The following MKNK2 variants were observed in gnomAD, a reference collection of about 807,000 sequenced individuals.
MKNK2 encodes the protein MAP kinase-interacting serine/threonine-protein kinase 2.
MKNK2 carries 54 observed loss-of-function variants against 55.0 expected under a neutral mutation model. The observed-to-expected ratio is 0.98, with a 90% CI of 0.79 to 1.23. MKNK2 has a LOEUF of 1.23. MKNK2 is among the 50% of genes most tolerant of loss of function. MKNK2 has a pLI of 0.00. For missense variants in MKNK2, 685 were observed against 632.1 expected, an observed-to-expected ratio of 1.08 and a Z score of -0.90; for synonymous variants, 323 against 256.0, an observed-to-expected ratio of 1.26 and a Z score of -2.50.
In MKNK2 at chr19:2,038,132, C is replaced by T. The variant is rs570905054; in HGVS notation, c.*1481G>A. On this transcript the variant is annotated 3_prime_UTR_variant, in exon 14 of 14. Transcript: ENST00000250896. The stretch of plus-strand genomic sequence containing the variant: ...CGGCCACCGGACTGTGACCATCATA[C>T]GAGATTCAGGAGGGGCAGCAGGGCC... The T allele has an allele frequency of 3.5e-4, 371 of 1,066,870 alleles. No homozygotes were observed. The highest frequency in any genetic ancestry group is 3.3e-4 in the Non-Finnish European group (290 of 883,382). 66.1% of individuals were successfully genotyped at this position (1,066,870 alleles called of 1,614,324 possible). A position where few individuals can be genotyped will look rare whatever the true frequency, so the allele number is the denominator to read the frequency against.
chr19:2,050,977 G>A (rs1039225322), intron 1 of MKNK2, 30 bp from the exon 2 acceptor site: 26 of 554,802 alleles, frequency 4.7e-5, no homozygotes, highest in African/African-American at 3.6e-4. Flanking sequence ...AAGGGAGGGC[G>A]GTGAGCGGAG....
At position 2,046,276 on chromosome 19, in the gene MKNK2, G is replaced by T; in HGVS notation, c.249C>A (p.Tyr83Ter). The change falls in exon 5 of 14, where the codon TAC (tyrosine) becomes TAA (stop). Residue 83 changes from tyrosine to a stop codon, truncating the protein, a stop_gained. Coordinates refer to ENST00000250896, the MANE Select transcript of MKNK2 (RefSeq NM_199054.3). LOFTEE classifies it high-confidence loss of function. ...DSFSGRFEDVYQLQEDVLGEG... is the reference protein window; with the variant it reads ...DSFSGRFEDV Reference sequence around the variant, plus strand: ...CCCCCAGCACATCTTCCTGCAGCTGGTAGACGTCTGCCGGGCAGCGGGGCG... The same window carrying T: ...CCCCCAGCACATCTTCCTGCAGCTGTTAGACGTCTGCCGGGCAGCGGGGCG... 5 of 1,604,382 alleles carry T rather than the reference G, an allele frequency of 3.1e-6. No individual in the cohort carries two copies. The highest frequency in any genetic ancestry group is 4.2e-6 in the Non-Finnish European group (5 of 1,179,878).
intron 3 of MKNK2, 62 bp from the exon 4 acceptor site, chr19:2,046,530 C>A: frequency 6.4e-7 from 1 of 1,562,640 alleles, no homozygotes; most frequent in East Asian, 2.4e-5. Flanking sequence ...GCCCCCACCC[C>A]CCTGCAGGGG....
chr19:2,050,611 G>A (rs375109704), intron 2 of MKNK2, among the ~76,000 whole-genome samples, 190 bp downstream of exon 2: 1 of 152,182 alleles, frequency 6.6e-6, no homozygotes, highest in East Asian at 1.9e-4. Context: ...AGAGGACTGT[G>A]GCCTGCTGAA....
Position 2,039,968 on chromosome 19 carries a change from C to G in MKNK2, c.1155-112G>C, listed in dbSNP as rs1181503490. ...TTCATGCCCCCCTCCCAGCCCCCAC[C>G]CTGGGGCTCCTCTGAGCACCAGGGC... is the stretch of plus-strand genomic sequence containing the variant. On this transcript the variant is annotated intron_variant, in intron 13 of 13. Coordinates refer to ENST00000250896, the MANE Select transcript of MKNK2 (RefSeq NM_199054.3). 6 of 1,421,610 alleles carry G rather than the reference C, an allele frequency of 4.2e-6. No individual in the cohort carries two copies. The African/African-American group carries it at 8.5e-5, about 20-fold the overall frequency. The allele number at this position is 1,421,610 out of a possible 1,614,324, so 88.1% of individuals were successfully genotyped here.
intron 8 of MKNK2, 22 bp downstream of exon 8, chr19:2,042,744 T>A: frequency 6.4e-7 from 1 of 1,554,692 alleles, no homozygotes; most frequent in Admixed American, 1.9e-5. Context: ...CCTAGGAGAC[T>A]CCGGGCGGGG....
At chr19:2,042,737 A>G (rs1032886639) in intron 8 of MKNK2, 29 bp downstream of exon 8, 2 of 1,552,580 alleles carry the variant, frequency 1.3e-6, no homozygotes, top group Non-Finnish European at 1.7e-6. Context: ...AGGCGGCCCT[A>G]GGAGACTCCG....
chr19:2,040,269 A>C (rs920018063), intron 12 of MKNK2, 92 bp from the exon 13 acceptor site: 1 of 1,144,942 alleles, frequency 8.7e-7, no homozygotes, highest in Non-Finnish European at 1.2e-6. Context: ...TGCCATGCCC[A>C]TCCCATCACC....
rs372044796 is a variant in MKNK2 at position 2,042,049 on chromosome 19, G to A, written c.751-15C>T. 590 of 1,469,422 alleles carry A rather than the reference G, an allele frequency of 4.0e-4. 3 individuals carry two copies. In the African/African-American group the frequency reaches 7.5e-3, roughly 19 times the overall value. The allele number at this position is 1,469,422 out of a possible 1,614,324, so 91.0% of individuals were successfully genotyped here. The stretch of plus-strand genomic sequence containing the variant: ...GCCGAGCCGCACTGCGGGCGGGGGA[G>A]GGGCGCGTCAGCCGGGGTTTCCCAG... On this transcript the variant is annotated splice_polypyrimidine_tract_variant and intron_variant, in intron 10 of 13. Transcript: ENST00000250896.
chr19:2,041,964 T>C lies in MKNK2; in HGVS notation c.821A>G (p.Lys274Arg). 4 of 1,562,490 alleles carry C rather than the reference T, an allele frequency of 2.6e-6. No homozygotes were observed. Among genetic ancestry groups the C allele is most frequent in the Non-Finnish European group, 2.6e-6 (3 of 1,153,628 alleles). The part of the protein sequence containing the change: ...AFSEEASIYD[K>R]RCDLWSLGVI... Reference sequence around the variant, plus strand: ...GCCCAGGCTCCACAGGTCGCAGCGCTTGTCGTAGATGCTAGCCTCCTCGCT... The same window carrying C: ...GCCCAGGCTCCACAGGTCGCAGCGCCTGTCGTAGATGCTAGCCTCCTCGCT... The change falls in exon 11 of 14, where the codon AAG (lysine) becomes AGG (arginine). Residue 274 changes from lysine to arginine, a missense_variant. By Grantham distance (26) the Lys-to-Arg change is conservative. Transcript: ENST00000250896.
In MKNK2 at chr19:2,039,823, C is replaced by T. The variant is rs764062910; in HGVS notation, c.1188G>A (p.Ala396=). ...GCCGGTTCATGGCAATGGCCTCAGC[C>T]GCGAAGGACGTGAGGTCTTTGGCAC... is the stretch of plus-strand genomic sequence containing the variant. ...NSCAKDLTSF[A]AEAIAMNRQL... Residue 396 remains alanine (A), a synonymous_variant, in exon 14 of 14, where the codon GCG becomes GCA. Transcript: ENST00000250896. The T allele has an allele frequency of 2.0e-5, 32 of 1,602,114 alleles. No homozygotes were observed. Among genetic ancestry groups the T allele is most frequent in the African/African-American group, 1.5e-4 (11 of 74,872 alleles).
intron 11 of MKNK2, 79 bp from the exon 12 acceptor site, chr19:2,041,283 A>G (rs2016876068): frequency 2.0e-6 from 3 of 1,493,266 alleles, no homozygotes; most frequent in Non-Finnish European, 2.7e-6. Context: ...CTCCAACCGG[A>G]CCCCAACCAG....
chr19:2,050,943 G>A lies in MKNK2; in HGVS notation c.-92C>T, dbSNP rs917949536. The A allele has an allele frequency of 1.6e-5, 13 of 819,378 alleles. No homozygotes were observed. Among genetic ancestry groups the A allele is most frequent in the Middle Eastern group, 7.2e-4 (2 of 2,764 alleles). 50.8% of individuals were successfully genotyped at this position (819,378 alleles called of 1,614,324 possible). ...GCCGGGCGGGGGGCGGCCGAGGAGG[G>A]GACCCTGCGGGCGGGAGCAGACAAA... On this transcript the variant is annotated 5_prime_UTR_variant, in exon 2 of 14. Coordinates refer to ENST00000250896, the MANE Select transcript of MKNK2 (RefSeq NM_199054.3).
At chr19:2,040,579 T>C in intron 12 of MKNK2, 1 of 272,832 alleles carries the variant, frequency 3.7e-6, no homozygotes, top group Non-Finnish European at 7.0e-6. Context: ...TGACCCCAGC[T>C]TCTATTTTTA....
intron 5 of MKNK2, among the ~76,000 whole-genome samples, chr19:2,045,525 C>A (rs1237991186): frequency 6.6e-6 from 1 of 152,132 alleles, no homozygotes; most frequent in African/African-American, 2.4e-5. Context: ...CCCTCTTCTT[C>A]CTCCTTCTCC....
At chr19:2,042,094 C>T in intron 10 of MKNK2, 60 bp from the exon 11 acceptor site, 1 of 1,390,010 alleles carries the variant, frequency 7.2e-7, no homozygotes, top group Non-Finnish European at 9.4e-7. Context: ...GGAACCGAGC[C>T]CGGGTAACTG....
chr19:2,037,623 C>CT lies in MKNK2; in HGVS notation c.*1989dup, dbSNP rs2016774459. 1.2e-6 allele frequency: 1 copy of CT among 812,588 alleles called. No individual in the cohort carries two copies. Among genetic ancestry groups the CT allele is most frequent in the Admixed American group, 4.0e-5 (1 of 24,944 alleles). The allele number at this position is 812,588 out of a possible 1,614,324, so 50.3% of individuals were successfully genotyped here. The stretch of plus-strand genomic sequence containing the variant: ...ATGTTTTTCCCCCACTTTAAAAAAA[C>CT]TTTTGAGGTTTTTTTTTTTTTTTTG... On this transcript the variant is annotated 3_prime_UTR_variant, in exon 14 of 14. Coordinates refer to ENST00000250896, the MANE Select transcript of MKNK2 (RefSeq NM_199054.3).
intron 11 of MKNK2, 72 bp downstream of exon 11, chr19:2,041,768 G>T: frequency 1.5e-6 from 2 of 1,305,818 alleles, no homozygotes; most frequent in South Asian, 3.0e-5. Context: ...GGTCCCCTGG[G>T]GTTAGGGGGT....
Position 2,039,494 on chromosome 19 carries a change from T to A in MKNK2, c.*119A>T, listed in dbSNP as rs570369154. 1 of 1,442,572 alleles carries A rather than the reference T, an allele frequency of 6.9e-7. No homozygotes were observed. Among genetic ancestry groups the A allele is most frequent in the African/African-American group, 1.4e-5 (1 of 70,152 alleles). 89.4% of individuals were successfully genotyped at this position (1,442,572 alleles called of 1,614,324 possible). A position where few individuals can be genotyped will look rare whatever the true frequency, so the allele number is the denominator to read the frequency against. ...AAACACCCCCCTCAGCTGAGCTTAG[T>A]GCCTGGGAATCCAGGCAGAGGAGGG... On this transcript the variant is annotated 3_prime_UTR_variant, in exon 14 of 14. Transcript: ENST00000250896.
Sources: gnomAD v4.1 joint callset for allele counts (sites outside exome capture counted in the v4.1 genomes callset) on GRCh38, gnomAD v4.1.1 for gene constraint, MANE v1.5 for transcripts, NCBI Gene and HGNC (gene_info 2026-07-23, HGNC 2026-07-21) for gene names.